Variants in CDC14A observed in about 807,000 individuals in gnomAD.
CDC14A encodes the protein cell division cycle 14A, also known as dual specificity protein phosphatase CDC14A.
Under a neutral mutation model 74.4 loss-of-function variants are expected in CDC14A, and 53 were observed. The observed-to-expected ratio is 0.71, with a 90% CI of 0.57 to 0.89. The LOEUF (loss-of-function observed/expected upper bound fraction) is 0.89. CDC14A is among the 40% of genes least tolerant of loss of function. The pLI is 0.00. For missense variants in CDC14A, 646 were observed against 713.7 expected (o/e 0.91, Z 1.08); for synonymous variants, 247 against 258.4 (o/e 0.96, Z 0.43).
At chr1:100,481,951 A>G (rs1669518544) in intron 10 of CDC14A, among the ~76,000 whole-genome samples, 1 of 152,244 alleles carries the variant, frequency 6.6e-6, no homozygotes, top group African/African-American at 2.4e-5. Flanking sequence ...CATTTTCAAT[A>G]AAAAGGAATT....
intron 2 of CDC14A, among the ~76,000 whole-genome samples, chr1:100,365,740 G>C (rs1359774482): frequency 6.6e-6 from 1 of 152,180 alleles, no homozygotes; most frequent in Non-Finnish European, 1.5e-5. Context: ...ACTCAGACTA[G>C]TGCCCTCATC....
At chr1:100,481,806 T>G (rs1669504860) in intron 10 of CDC14A, among the ~76,000 whole-genome samples, 1 of 152,220 alleles carries the variant, frequency 6.6e-6, no homozygotes, top group African/African-American at 2.4e-5. Context: ...GAGAATGTAC[T>G]TTGAGCTGGT....
At chr1:100,502,035 A>G (rs751038357) in intron 15 of CDC14A, among the ~76,000 whole-genome samples, 2 of 152,244 alleles carry the variant, frequency 1.3e-5, no homozygotes, top group African/African-American at 4.8e-5. Context: ...TAGTAAACTA[A>G]GTATTATTAC....
chr1:100,436,232 C>T (rs1160415915), intron 5 of CDC14A, among the ~76,000 whole-genome samples: 4 of 152,170 alleles, frequency 2.6e-5, no homozygotes, highest in Admixed American at 1.3e-4. Flanking sequence ...TAGATGGTCC[C>T]GACTATATTG....
chr1:100,393,050 T>G, intron 4 of CDC14A: 1 of 1,398,832 alleles, frequency 7.1e-7, no homozygotes, highest in Non-Finnish European at 1.0e-6. Flanking sequence ...TCTTGCCGGA[T>G]GTTTTCTTTG....
chr1:100,433,708 T>G (rs572926395), intron 5 of CDC14A, among the ~76,000 whole-genome samples: 1 of 152,356 alleles, frequency 6.6e-6, no homozygotes, highest in East Asian at 1.9e-4. Flanking sequence ...TGTAAATATG[T>G]TCTTTCATCT....
At chr1:100,477,652 CA>C (rs1234501355) in intron 10 of CDC14A, among the ~76,000 whole-genome samples, 1 of 152,030 alleles carries the variant, frequency 6.6e-6, no homozygotes, top group Non-Finnish European at 1.5e-5. Context: ...AACTAATGAT[CA>C]GAGAGATGAA....
chr1:100,419,584 A>G (rs11166449), intron 4 of CDC14A, among the ~76,000 whole-genome samples: 20,518 of 152,284 alleles, frequency 0.13, 1,565 homozygotes, highest in Non-Finnish European at 0.16. Context: ...TGTCTTTGTA[A>G]TGTCCACAGT....
chr1:100,455,470 T>G lies in CDC14A; in HGVS notation c.585T>G (p.His195Gln). The G allele has an allele frequency of 2.5e-6, 4 of 1,591,688 alleles. No individual in the cohort carries two copies. The highest frequency in any genetic ancestry group is 3.4e-6 in the Non-Finnish European group (4 of 1,172,080). The change falls in exon 8 of 16, where the codon CAT (histidine) becomes CAG (glutamine). Residue 195 changes from histidine (H) to glutamine (Q), a missense_variant. Coordinates refer to ENST00000336454, the MANE Select transcript of CDC14A (RefSeq NM_003672.4). Reference sequence around the variant, plus strand: ...AATTTTTAGCATTTAGTGGACCACATCCTAAAAGCAAAATTGAGAATGGTA... The same window carrying G: ...AATTTTTAGCATTTAGTGGACCACAGCCTAAAAGCAAAATTGAGAATGGTA... ...PGKFLAFSGP[H>Q]PKSKIENGYP...
intron 15 of CDC14A, among the ~76,000 whole-genome samples, chr1:100,502,329 T>A (rs1049918749): frequency 6.6e-6 from 1 of 152,186 alleles, no homozygotes; most frequent in African/African-American, 2.4e-5. Context: ...TATACCATAT[T>A]TTTACTGTCT....
At chr1:100,447,712 A>G (rs1405525056) in intron 7 of CDC14A, among the ~76,000 whole-genome samples, 1 of 152,192 alleles carries the variant, frequency 6.6e-6, no homozygotes, top group South Asian at 2.1e-4. Context: ...GTGAGGAACT[A>G]TGCTCTTCAG....
rs151062183 is a variant in CDC14A at position 100,455,474 on chromosome 1, A to G, written c.589A>G (p.Lys197Glu). Reference sequence around the variant, plus strand: ...TTTAGCATTTAGTGGACCACATCCTAAAAGCAAAATTGAGAATGGTAGGTT... The same window carrying G: ...TTTAGCATTTAGTGGACCACATCCTGAAAGCAAAATTGAGAATGGTAGGTT... Reference protein sequence around the residue: ...KFLAFSGPHPKSKIENGYPLH... With the variant: ...KFLAFSGPHPESKIENGYPLH... Residue 197 changes from lysine to glutamate, a missense_variant, in exon 8 of 16, where the codon AAA (lysine) becomes GAA (glutamate). Transcript: ENST00000336454. 1 of 1,589,662 alleles carries G rather than the reference A, an allele frequency of 6.3e-7. No individual in the cohort carries two copies. Among genetic ancestry groups the G allele is most frequent in the Non-Finnish European group, 8.5e-7 (1 of 1,170,732 alleles).
intron 4 of CDC14A, among the ~76,000 whole-genome samples, chr1:100,419,037 G>T (rs116802446): frequency 6.6e-6 from 1 of 152,022 alleles, no homozygotes; most frequent in African/African-American, 2.4e-5. Flanking sequence ...ATACAAAAAA[G>T]TAGCTGAATG....
In CDC14A at chr1:100,496,048, A is replaced by G; in HGVS notation, c.1297A>G (p.Arg433Gly). The G allele has an allele frequency of 1.2e-6, 2 of 1,612,712 alleles. No individual in the cohort carries two copies. Among genetic ancestry groups the G allele is most frequent in the Admixed American group, 1.7e-5 (1 of 60,022 alleles). Residue 433 changes from arginine to glycine, a missense_variant and splice_region_variant, in exon 13 of 16, where the codon AGA (arginine) becomes GGA (glycine). Arg to Gly is a moderately radical substitution (Grantham distance 125). Transcript: ENST00000336454. ...TCCAAGAGCAGTGTCCCAGCCTTTCAGGTACTGCCAATGAGGTTGAATGTC... is the reference window on the plus strand; with the variant it reads ...TCCAAGAGCAGTGTCCCAGCCTTTCGGGTACTGCCAATGAGGTTGAATGTC... Reference protein sequence around the residue: ...GHPRAVSQPFRLSSSLQGSAV... With the variant: ...GHPRAVSQPFGLSSSLQGSAV...
At chr1:100,463,196 A>C (rs188660182) in intron 9 of CDC14A, among the ~76,000 whole-genome samples, 2 of 152,288 alleles carry the variant, frequency 1.3e-5, no homozygotes, top group African/African-American at 2.4e-5. Flanking sequence ...TAAACAGGTA[A>C]AATTCTCAAG....
At chr1:100,393,513 A>G (rs1287864224) in intron 4 of CDC14A, 3 of 763,726 alleles carry the variant, frequency 3.9e-6, no homozygotes, top group East Asian at 4.9e-5. Context: ...ATTTCTCATC[A>G]TGTCAGTTTC....
chr1:100,490,667 A>G (rs966936625), intron 11 of CDC14A, among the ~76,000 whole-genome samples: 7 of 152,142 alleles, frequency 4.6e-5, no homozygotes, highest in Non-Finnish European at 7.3e-5. Flanking sequence ...ACAGTGATCA[A>G]TGGGAGGAAA....
chr1:100,456,409 A>C (rs1395097156), intron 8 of CDC14A, among the ~76,000 whole-genome samples: 9 of 149,906 alleles, frequency 6.0e-5, no homozygotes, highest in Non-Finnish European at 7.4e-5. Context: ...AAATTGAAAA[A>C]ATATCCATGA....
intron 4 of CDC14A, among the ~76,000 whole-genome samples, chr1:100,400,304 T>TA (rs763665271): frequency 6.6e-6 from 1 of 152,196 alleles, no homozygotes; most frequent in South Asian, 2.1e-4. Context: ...ACATTGACAT[T>TA]AAAAAACTGT....
Sources: gnomAD v4.1 joint callset for allele counts (sites outside exome capture counted in the v4.1 genomes callset) on GRCh38, gnomAD v4.1.1 for gene constraint, MANE v1.5 for transcripts, NCBI Gene and HGNC (gene_info 2026-07-23, HGNC 2026-07-21) for gene names.